Variants in ERG observed in about 807,000 individuals in gnomAD.
ERG encodes transcriptional regulator ERG.
ERG carries 9 observed loss-of-function variants against 55.3 expected under a neutral mutation model. That is an observed-to-expected ratio of 0.16 (90% CI 0.10 to 0.28). The LOEUF (loss-of-function observed/expected upper bound fraction) is 0.28. ERG is among the 10% of genes least tolerant of loss of function. The probability of loss-of-function intolerance (pLI) is 1.00; values close to 1 mark genes in which losing one functional copy is unlikely to be tolerated. For missense variants in ERG, 434 were observed against 631.6 expected, an observed-to-expected ratio of 0.69 and a Z score of 3.35; for synonymous variants, 223 against 237.3, an observed-to-expected ratio of 0.94 and a Z score of 0.55.
intron 2 of ERG, among the ~76,000 whole-genome samples, chr21:38,538,243 G>A (rs187479878): frequency 1.3e-5 from 2 of 152,108 alleles, no homozygotes; most frequent in East Asian, 1.9e-4. Flanking sequence ...TTCTGGAGAT[G>A]GATGATGGTG....
intron 2 of ERG, among the ~76,000 whole-genome samples, chr21:38,434,060 A>C (rs564657152): frequency 2.6e-4 from 39 of 152,218 alleles, no homozygotes; most frequent in South Asian, 4.1e-4. Flanking sequence ...CAAGCTGCCC[A>C]TGTCCAACCT....
At chr21:38,562,348 G>T (rs1165253182) in intron 2 of ERG, among the ~76,000 whole-genome samples, 1 of 151,974 alleles carries the variant, frequency 6.6e-6, no homozygotes, top group African/African-American at 2.4e-5. Flanking sequence ...GTTAATACTG[G>T]CCTTGACTCA....
At chr21:38,526,737 T>C (rs1319465868) in intron 2 of ERG, among the ~76,000 whole-genome samples, 1 of 152,208 alleles carries the variant, frequency 6.6e-6, no homozygotes, top group Non-Finnish European at 1.5e-5. Context: ...ACTAACTCTA[T>C]TTACTAAAAT....
chr21:38,477,007 CTTTTTTT>C lies in ERG; in HGVS notation c.18+21349_18+21355del, dbSNP rs397867221. ...GATTCTTTTTTCTTTTCTTTCTTTC[CTTTTTTT>C]TTTTTTTTTTTTTTTTGAGACAGAG... On this transcript the variant is annotated intron_variant, in intron 1 of 9. Transcript: ENST00000288319. Among the ~76,000 whole-genome samples, 423 of 84,158 alleles carry C rather than the reference CTTTTTTT, an allele frequency of 5.0e-3. 4 individuals are homozygous for C. Among genetic ancestry groups the C allele is most frequent in the African/African-American group, 0.019 (397 of 21,286 alleles). 55.2% of individuals were successfully genotyped at this position (84,158 alleles called of 152,430 possible).
chr21:38,542,797 A>C (rs2059762371), intron 2 of ERG, among the ~76,000 whole-genome samples: 1 of 152,218 alleles, frequency 6.6e-6, no homozygotes, highest in Non-Finnish European at 1.5e-5. Flanking sequence ...ATAGATAGAA[A>C]AGATATTTTA....
At chr21:38,660,910 C>G (rs1384488069) in intron 1 of ERG, among the ~76,000 whole-genome samples, 1 of 152,018 alleles carries the variant, frequency 6.6e-6, no homozygotes, top group Admixed American at 6.6e-5. Flanking sequence ...CGCGCGCCCT[C>G]GGGGCCAAGA....
At chr21:38,596,622 A>C (rs1339164811) in intron 1 of ERG, among the ~76,000 whole-genome samples, 2 of 152,256 alleles carry the variant, frequency 1.3e-5, no homozygotes, top group Admixed American at 1.3e-4. Context: ...TCAACTACAC[A>C]GGTACATGCA....
intron 2 of ERG, among the ~76,000 whole-genome samples, chr21:38,541,890 C>T (rs1364772116): frequency 5.4e-5 from 8 of 148,346 alleles, no homozygotes; most frequent in East Asian, 2.0e-4. Flanking sequence ...CCTGCACATC[C>T]GGCACATATA....
chr21:38,615,166 G>C (rs2146934386), intron 1 of ERG, among the ~76,000 whole-genome samples: 1 of 152,204 alleles, frequency 6.6e-6, no homozygotes. Context: ...TAAAACCATG[G>C]ATGTCCAGTT....
At chr21:38,513,141 T>A (rs958459300) in intron 2 of ERG, among the ~76,000 whole-genome samples, 403 of 124,102 alleles carry the variant, frequency 3.2e-3, no homozygotes, top group African/African-American at 0.01. Flanking sequence ...AAAAAAAAAA[T>A]AATAATAATA....
chr21:38,489,252 A>G (rs1394343910), intron 1 of ERG, among the ~76,000 whole-genome samples: 1 of 152,250 alleles, frequency 6.6e-6, no homozygotes, highest in Non-Finnish European at 1.5e-5. Flanking sequence ...AAATGTATAC[A>G]TGTGCTTATT....
intron 1 of ERG, among the ~76,000 whole-genome samples, chr21:38,646,474 A>T (rs2060457580): frequency 2.6e-5 from 4 of 152,094 alleles, no homozygotes; most frequent in African/African-American, 7.2e-5. Context: ...TTAGATTCTG[A>T]CCGATCTGCT....
At chr21:38,478,484 A>T (rs1208103399) in intron 1 of ERG, among the ~76,000 whole-genome samples, 1 of 152,062 alleles carries the variant, frequency 6.6e-6, no homozygotes, top group Non-Finnish European at 1.5e-5. Flanking sequence ...AGGTGAGGTG[A>T]AGATGGGCTA....
chr21:38,451,163 A>G (rs1283230908), intron 1 of ERG: 1 of 500,270 alleles, frequency 2.0e-6, no homozygotes, highest in Non-Finnish European at 4.0e-6. Flanking sequence ...GAGACAGAAG[A>G]AAGATGAAGG....
Position 38,395,319 on chromosome 21 carries a change from C to G in ERG, c.746-2875G>C, listed in dbSNP as rs1157562499. ...GACTTCTTTGGCAGCTACACCATCTCAAAACCTTCGTAGTTCTGCTCTTGA... is the reference window on the plus strand; with the variant it reads ...GACTTCTTTGGCAGCTACACCATCTGAAAACCTTCGTAGTTCTGCTCTTGA... On this transcript the variant is annotated intron_variant, in intron 6 of 9. Transcript: ENST00000288319. 3 of 228,594 alleles carry G rather than the reference C, an allele frequency of 1.3e-5. No homozygotes were observed. In the East Asian group the frequency reaches 1.9e-4, roughly 14 times the overall value. 14.2% of individuals were successfully genotyped at this position (228,594 alleles called of 1,614,324 possible).
chr21:38,635,242 C>T (rs1359822865), intron 1 of ERG, among the ~76,000 whole-genome samples: 1 of 152,184 alleles, frequency 6.6e-6, no homozygotes, highest in Non-Finnish European at 1.5e-5. Context: ...TAGACCCATA[C>T]TGAATCCTTT....
intron 1 of ERG, among the ~76,000 whole-genome samples, chr21:38,606,925 G>A (rs2060199882): frequency 6.6e-6 from 1 of 151,984 alleles, no homozygotes; most frequent in South Asian, 2.1e-4. Flanking sequence ...AAAGAAATGA[G>A]ACTTCAGATT....
intron 2 of ERG, among the ~76,000 whole-genome samples, chr21:38,426,630 G>A (rs776691717): frequency 2.9e-4 from 44 of 152,108 alleles, no homozygotes; most frequent in Non-Finnish European, 5.0e-4. Flanking sequence ...TCAAAGAGAT[G>A]TATAAAATTA....
At chr21:38,410,328 T>C (rs1430243193) in intron 3 of ERG, among the ~76,000 whole-genome samples, 1 of 152,246 alleles carries the variant, frequency 6.6e-6, no homozygotes, top group Non-Finnish European at 1.5e-5. Flanking sequence ...TCCATTCCAA[T>C]TGTTTTGAAA....
Sources: allele counts gnomAD v4.1 joint callset (sites outside exome capture counted in the v4.1 genomes callset), GRCh38; gene constraint gnomAD v4.1.1; transcripts MANE v1.5; gene names NCBI Gene and HGNC (gene_info 2026-07-23, HGNC 2026-07-21).